CACNA1C: variants seen among roughly 807,000 people sequenced by gnomAD.
The protein encoded by CACNA1C is voltage-dependent L-type calcium channel subunit alpha-1C.
CACNA1C carries 30 observed loss-of-function variants against 229.0 expected under a neutral mutation model. The observed-to-expected ratio is 0.13, with a 90% confidence interval of 0.10 to 0.18. CACNA1C has a LOEUF of 0.18. Among genes scored for constraint, CACNA1C ranks in the 10% least tolerant of loss-of-function variants. The pLI is 1.00. For missense variants in CACNA1C, 1,658 were observed against 2,845.0 expected (o/e 0.58, Z 9.49); for synonymous variants, 1,114 against 1,132.5 (o/e 0.98, Z 0.33).
intron 30 of CACNA1C, among the ~76,000 whole-genome samples, chr12:2,638,644 G>A (rs1439960383): frequency 6.6e-6 from 1 of 152,168 alleles, no homozygotes; most frequent in Non-Finnish European, 1.5e-5. Flanking sequence ...AGTTGTGGCA[G>A]TAGAAGCGGT....
chr12:2,270,286 C>T (rs1302392752), intron 3 of CACNA1C, among the ~76,000 whole-genome samples: 1 of 152,160 alleles, frequency 6.6e-6, no homozygotes, highest in African/African-American at 2.4e-5. Context: ...TACCTTGAGC[C>T]AGCTGTAATG....
chr12:2,186,356 G>A (rs915890634), intron 3 of CACNA1C, among the ~76,000 whole-genome samples: 2 of 152,180 alleles, frequency 1.3e-5, no homozygotes, highest in African/African-American at 4.8e-5. Flanking sequence ...TCCATTGTGG[G>A]TGAGGCAAGG....
chr12:2,467,698 A>G lies in CACNA1C; in HGVS notation c.757+9992A>G, dbSNP rs575181685. Among the ~76,000 whole-genome samples the G allele has an allele frequency of 6.6e-6, 1 of 151,704 alleles. No individual in the cohort carries two copies. Among genetic ancestry groups the G allele is most frequent in the Non-Finnish European group, 1.5e-5 (1 of 67,886 alleles). ...CCCGCCCTGCCCCTTAGCACCTGCC[A>G]GGCCCACCCTCTCCCCCGGTGTCTC... On this transcript the variant is annotated intron_variant, in intron 5 of 46. Transcript: ENST00000399655. The surrounding 1 kb of genome is among the most constrained non-coding windows in gnomAD (Gnocchi z 4.6).
chr12:2,111,918 G>T (rs1351081613), intron 1 of CACNA1C, among the ~76,000 whole-genome samples: 1 of 152,182 alleles, frequency 6.6e-6, no homozygotes, highest in African/African-American at 2.4e-5. Context: ...ATGCTGTCAC[G>T]TGGAGATCAT....
chr12:2,540,080 A>C (rs1205930681), intron 9 of CACNA1C, among the ~76,000 whole-genome samples: 1 of 152,172 alleles, frequency 6.6e-6, no homozygotes, highest in Non-Finnish European at 1.5e-5. Context: ...TGTGTGCTGC[A>C]GTTGGGGAGC....
Position 2,275,255 on chromosome 12 carries a change from T to C in CACNA1C, c.477+154825T>C, listed in dbSNP as rs2087228939. Among the ~76,000 whole-genome samples the C allele has an allele frequency of 6.6e-6, 1 of 152,176 alleles. No homozygotes were observed. The highest frequency in any genetic ancestry group is 1.5e-5 in the Non-Finnish European group (1 of 68,036). ...TAGCCCGGCAAACGTGATCTTTCTT[T>C]CCTTTGCCCAATACATGTCAGGCTC... On this transcript the variant is annotated intron_variant, in intron 3 of 46. Transcript: ENST00000399655. This position sits in a 1 kb window ranked among gnomAD's most constrained non-coding sequence, Gnocchi z 4.1.
chr12:2,608,857 A>G lies in CACNA1C; in HGVS notation c.3558+145A>G. On this transcript the variant is annotated intron_variant, in intron 27 of 46. Transcript: ENST00000399655. This position sits in a 1 kb window ranked among gnomAD's most constrained non-coding sequence, Gnocchi z 4.2. ...TATTCCTCAACCAGAGTGGGCTGTCAGTCTTTTTGAGGGACCTGTGCAAAA... is the reference window on the plus strand; with the variant it reads ...TATTCCTCAACCAGAGTGGGCTGTCGGTCTTTTTGAGGGACCTGTGCAAAA... The G allele has an allele frequency of 1.3e-6, 1 of 761,334 alleles. No individual in the cohort carries two copies. Among genetic ancestry groups the G allele is most frequent in the Non-Finnish European group, 2.1e-6 (1 of 473,532 alleles). 47.2% of individuals were successfully genotyped at this position (761,334 alleles called of 1,614,324 possible). A position where few individuals can be genotyped will look rare whatever the true frequency, so the allele number is the denominator to read the frequency against.
At chr12:2,174,621 A>C (rs1466616823) in intron 3 of CACNA1C, among the ~76,000 whole-genome samples, 2 of 152,076 alleles carry the variant, frequency 1.3e-5, no homozygotes, top group Non-Finnish European at 2.9e-5. Flanking sequence ...CTGTAAGTAC[A>C]GTTTACCCTT....
chr12:2,535,673 T>C (rs1599205368), intron 9 of CACNA1C, among the ~76,000 whole-genome samples: 1 of 118,242 alleles, frequency 8.5e-6, no homozygotes, highest in African/African-American at 3.3e-5. Context: ...ACCAGTGCAC[T>C]CCAGCCTGGG....
chr12:2,612,803 G>T (rs2078469788), intron 29 of CACNA1C: 1 of 152,182 alleles, frequency 6.6e-6, no homozygotes, highest in Non-Finnish European at 1.5e-5. Flanking sequence ...AGAATCACGG[G>T]TATCCACTGG....
At chr12:2,260,536 G>C (rs2079717527) in intron 3 of CACNA1C, among the ~76,000 whole-genome samples, 1 of 150,844 alleles carries the variant, frequency 6.6e-6, no homozygotes, top group South Asian at 2.1e-4. Context: ...AGAAAGAAGA[G>C]AGAAAAGGAG....
intron 30 of CACNA1C, among the ~76,000 whole-genome samples, chr12:2,638,961 A>G (rs2093275329): frequency 6.6e-6 from 1 of 152,180 alleles, no homozygotes; most frequent in African/African-American, 2.4e-5. Context: ...GGCACTAGAG[A>G]AGAAGAAGCG....
At chr12:2,044,505 C>T (rs1309939760) in intron 1 of CACNA1C, among the ~76,000 whole-genome samples, 1 of 152,094 alleles carries the variant, frequency 6.6e-6, no homozygotes, top group Non-Finnish European at 1.5e-5. Context: ...TGGAAAATGG[C>T]CGAATCAACA....
chr12:2,339,740 A>G (rs1049558962), intron 3 of CACNA1C, among the ~76,000 whole-genome samples: 7 of 152,238 alleles, frequency 4.6e-5, no homozygotes, highest in African/African-American at 1.7e-4. Flanking sequence ...TTTCAGCCTC[A>G]TTATAACCTT....
intron 3 of CACNA1C, among the ~76,000 whole-genome samples, chr12:2,229,767 C>G (rs1198236673): frequency 6.6e-6 from 1 of 152,198 alleles, no homozygotes. Flanking sequence ...AACGGCCTGG[C>G]AGGCTCAAGG....
intron 3 of CACNA1C, among the ~76,000 whole-genome samples, chr12:2,173,865 G>A (rs2096567380): frequency 6.6e-6 from 1 of 152,080 alleles, no homozygotes; most frequent in Admixed American, 6.5e-5. Flanking sequence ...ATGATGGGGA[G>A]CCCTGTGATT....
chr12:2,291,004 G>A (rs764125246), intron 3 of CACNA1C, among the ~76,000 whole-genome samples: 1 of 152,192 alleles, frequency 6.6e-6, no homozygotes, highest in Non-Finnish European at 1.5e-5. Context: ...TATGTAGACT[G>A]GATTCAAATC....
At chr12:2,408,684 T>G (rs1054178657) in intron 3 of CACNA1C, among the ~76,000 whole-genome samples, 1 of 152,068 alleles carries the variant, frequency 6.6e-6, no homozygotes, top group Non-Finnish European at 1.5e-5. Context: ...TAGGGAAAGA[T>G]GTGTCTACTC....
chr12:2,336,467 A>G (rs1487358199), intron 3 of CACNA1C, among the ~76,000 whole-genome samples: 2 of 152,054 alleles, frequency 1.3e-5, no homozygotes, highest in African/African-American at 2.4e-5. Context: ...GGTATTGTGA[A>G]TCTGAGATTT....
Sources: gnomAD v4.1 joint callset for allele counts (sites outside exome capture counted in the v4.1 genomes callset) on GRCh38, gnomAD v4.1.1 for gene constraint, Gnocchi (gnomAD v3.1) non-coding constraint, MANE v1.5 for transcripts, NCBI Gene and HGNC (gene_info 2026-07-23, HGNC 2026-07-21) for gene names.